The following CSRNP3 variants were observed in gnomAD, a reference collection of about 807,000 sequenced individuals.
CSRNP3 encodes the protein cysteine and serine rich nuclear protein 3, also known as cysteine/serine-rich nuclear protein 3.
CSRNP3 carries 12 observed loss-of-function variants against 48.0 expected under a neutral mutation model. That is an observed-to-expected ratio of 0.25 (90% CI 0.16 to 0.41). The LOEUF is 0.41. Ranked by LOEUF, CSRNP3 falls within the 10% of genes least tolerant of loss-of-function variation. CSRNP3 has a pLI of 1.00. For synonymous variants in CSRNP3, 263 were observed against 269.7 expected (o/e 0.98, Z 0.24); for missense variants, 580 against 724.4 (o/e 0.80, Z 2.29).
At chr2:165,574,255 G>A (rs548206208) in intron 3 of CSRNP3, 2 of 763,990 alleles carry the variant, frequency 2.6e-6, no homozygotes, top group Non-Finnish European at 4.3e-6. Flanking sequence ...GCGAGAGGAG[G>A]GGGCAGAAGG....
At chr2:165,663,442 T>C (rs1687130232) in intron 5 of CSRNP3, among the ~76,000 whole-genome samples, 2 of 152,162 alleles carry the variant, frequency 1.3e-5, no homozygotes, top group Admixed American at 1.3e-4. Flanking sequence ...ATGTGCTCAA[T>C]ACCTGCTCTG....
intron 4 of CSRNP3, among the ~76,000 whole-genome samples, chr2:165,622,899 A>G (rs1248957075): frequency 6.6e-6 from 1 of 152,110 alleles, no homozygotes; most frequent in Non-Finnish European, 1.5e-5. Context: ...ATTACAGTCT[A>G]TACTCACTCG....
chr2:165,642,087 A>G (rs567610544), intron 4 of CSRNP3, among the ~76,000 whole-genome samples: 114 of 143,434 alleles, frequency 7.9e-4, no homozygotes, highest in Middle Eastern at 3.5e-3. Context: ...GTAGTACCTG[A>G]GAATACACAC....
chr2:165,483,038 G>C (rs954994894), intron 1 of CSRNP3, among the ~76,000 whole-genome samples: 1 of 135,130 alleles, frequency 7.4e-6, no homozygotes, highest in South Asian at 2.3e-4. Flanking sequence ...GTGTGTGTGT[G>C]TGTATGTATA....
intron 4 of CSRNP3, among the ~76,000 whole-genome samples, chr2:165,654,940 T>A (rs1686977809): frequency 6.6e-6 from 1 of 152,212 alleles, no homozygotes; most frequent in African/African-American, 2.4e-5. Flanking sequence ...TCTGTGTTTT[T>A]AACTGATGTA....
intron 2 of CSRNP3, among the ~76,000 whole-genome samples, chr2:165,498,974 A>G (rs1432969207): frequency 1.3e-5 from 2 of 152,174 alleles, no homozygotes; most frequent in African/African-American, 4.8e-5. Context: ...AAACATTTTC[A>G]TCTGACAGTG....
At chr2:165,663,410 T>C (rs1439235952) in intron 5 of CSRNP3, among the ~76,000 whole-genome samples, 1 of 152,194 alleles carries the variant, frequency 6.6e-6, no homozygotes, top group African/African-American at 2.4e-5. Flanking sequence ...AGGCCCACTT[T>C]AACATCAAAT....
At position 165,627,602 on chromosome 2, in the gene CSRNP3, G is replaced by T. The variant is rs1686459177; in HGVS notation, c.149-30159G>T. Among the ~76,000 whole-genome samples the T allele has an allele frequency of 2.0e-5, 3 of 151,984 alleles. No individual in the cohort carries two copies. In the South Asian group the frequency reaches 6.2e-4, roughly 32 times the overall value. On this transcript the variant is annotated intron_variant, in intron 4 of 6. Transcript: ENST00000651982. ...CTTCTCCCCTCACATTGCACTGATT[G>T]CATGAGTCATATGCAAACCATGTTT...
chr2:165,677,512 A>G (rs1687446509), intron 6 of CSRNP3, among the ~76,000 whole-genome samples: 1 of 152,052 alleles, frequency 6.6e-6, no homozygotes, highest in South Asian at 2.1e-4. Context: ...CAACTCAGGT[A>G]GTCAAAAGAA....
At position 165,477,016 on chromosome 2, in the gene CSRNP3, T is replaced by C. The variant is rs558681887; in HGVS notation, c.-283+7276T>C. 2.6e-5 allele frequency among the ~76,000 whole-genome samples: 4 copies of C among 152,288 alleles called. No individual in the cohort carries two copies. The East Asian group carries it at 7.7e-4, about 29-fold the overall frequency. On this transcript the variant is annotated intron_variant, in intron 1 of 6. Transcript: ENST00000651982. ...AAAATCCCTCTTGACTGGCTTTTTT[T>C]CCATATTAACTACAATTAAATTGCT...
intron 1 of CSRNP3, among the ~76,000 whole-genome samples, chr2:165,486,309 C>A (rs1442694456): frequency 6.6e-6 from 1 of 152,178 alleles, no homozygotes; most frequent in Non-Finnish European, 1.5e-5. Flanking sequence ...CACAGAATCT[C>A]GCTGATTGCT....
At chr2:165,493,774 T>C (rs1218505019) in intron 1 of CSRNP3, among the ~76,000 whole-genome samples, 1 of 152,138 alleles carries the variant, frequency 6.6e-6, no homozygotes, top group African/African-American at 2.4e-5. Flanking sequence ...ATTGTACTTA[T>C]GCTTTCATTT....
At chr2:165,670,431 T>C (rs10189153) in intron 5 of CSRNP3, among the ~76,000 whole-genome samples, 125,606 of 152,148 alleles carry the variant, frequency 0.83, 52,021 homozygotes, top group Middle Eastern at 0.85. Flanking sequence ...TCATAAAAGA[T>C]TGTTCAGTAC....
chr2:165,496,159 A>G (rs1269802795), intron 2 of CSRNP3, among the ~76,000 whole-genome samples: 1 of 152,018 alleles, frequency 6.6e-6, no homozygotes, highest in Non-Finnish European at 1.5e-5. Flanking sequence ...TCTTGACTGC[A>G]GTAGAACCTA....
At chr2:165,501,612 T>C (rs764902794) in intron 2 of CSRNP3, among the ~76,000 whole-genome samples, 4 of 152,194 alleles carry the variant, frequency 2.6e-5, no homozygotes, top group Non-Finnish European at 5.9e-5. Flanking sequence ...CTGAATGCTT[T>C]AAACAAATTA....
At chr2:165,653,195 T>G (rs1686943228) in intron 4 of CSRNP3, among the ~76,000 whole-genome samples, 2 of 152,202 alleles carry the variant, frequency 1.3e-5, no homozygotes, top group South Asian at 4.1e-4. Flanking sequence ...AAGAGAGACT[T>G]GGGTGGCTCT....
chr2:165,622,636 A>G (rs1454029), intron 4 of CSRNP3, among the ~76,000 whole-genome samples: 123,786 of 152,096 alleles, frequency 0.81, 50,542 homozygotes, highest in Non-Finnish European at 0.84. Flanking sequence ...AGTTGGCTAC[A>G]TCAGATCCTG....
intron 3 of CSRNP3, among the ~76,000 whole-genome samples, chr2:165,559,284 T>C (rs920778063): frequency 6.6e-6 from 1 of 152,176 alleles, no homozygotes; most frequent in African/African-American, 2.4e-5. Context: ...AGGTGAGAAA[T>C]ACAAATAATA....
chr2:165,625,770 TA>T (rs1686421346), intron 4 of CSRNP3, among the ~76,000 whole-genome samples: 1 of 149,614 alleles, frequency 6.7e-6, no homozygotes. Context: ...CTGTCTCTAC[TA>T]AAAGTACAAA....
Sources: allele counts gnomAD v4.1 joint callset (sites outside exome capture counted in the v4.1 genomes callset), GRCh38; gene constraint gnomAD v4.1.1; transcripts MANE v1.5; gene names NCBI Gene and HGNC (gene_info 2026-07-23, HGNC 2026-07-21).